The following ITGB5 variants were observed in gnomAD, a reference collection of about 807,000 sequenced individuals.
ITGB5 encodes the protein integrin subunit beta 5.
In ITGB5, 38 loss-of-function variants were observed where a neutral mutation model predicts 84.8. The ratio of observed to expected loss-of-function variants is 0.45; its 90% CI spans 0.35 to 0.59. ITGB5 has a LOEUF of 0.59. Ranked by LOEUF, ITGB5 falls within the 20% of genes least tolerant of loss-of-function variation. The pLI is 0.01. For synonymous variants in ITGB5, 393 were observed against 414.4 expected (o/e 0.95, Z 0.63); for missense variants, 905 against 1,034.5 (o/e 0.87, Z 1.72).
At chr3:124,870,211 T>C (rs1298265598) in intron 2 of ITGB5, among the ~76,000 whole-genome samples, 2 of 152,254 alleles carry the variant, frequency 1.3e-5, no homozygotes, top group African/African-American at 4.8e-5. Context: ...TAAGACAGTT[T>C]AGTTTCTCAA....
upstream of ITGB5, chr3:124,887,934 T>TTA (rs966788295): frequency 4.0e-6 from 1 of 250,894 alleles, no homozygotes; most frequent in African/African-American, 2.3e-5. Context: ...TTTTTTTTTT[T>TTA]TTGAGACAGC....
intron 9 of ITGB5, 45 bp from the exon 10 acceptor site, chr3:124,796,862 G>C (rs1421775340): frequency 9.1e-6 from 14 of 1,543,976 alleles, no homozygotes; most frequent in Non-Finnish European, 1.1e-5. Context: ...CGGCAAGCCA[G>C]GGTCTCCCAT....
At chr3:124,769,189 G>C (rs1049019046) in intron 11 of ITGB5, 76 bp from the exon 12 acceptor site, 14 of 1,147,894 alleles carry the variant, frequency 1.2e-5, no homozygotes, top group Admixed American at 3.7e-5. Context: ...GCTCCTGACA[G>C]TGCAGGACCT....
At chr3:124,771,340 G>GA (rs997281118) in intron 11 of ITGB5, among the ~76,000 whole-genome samples, 1 of 152,022 alleles carries the variant, frequency 6.6e-6, no homozygotes. Flanking sequence ...GCAGCAAGTA[G>GA]AAAAAACAGA....
chr3:124,899,036 T>C (rs1264013415), intron 1 of ITGB5, among the ~76,000 whole-genome samples: 1 of 151,170 alleles, frequency 6.6e-6, no homozygotes, highest in Non-Finnish European at 1.5e-5. Context: ...GATTGCGCCA[T>C]TGCATTCCAG....
At chr3:124,850,704 A>T (rs1579293858) in intron 3 of ITGB5, among the ~76,000 whole-genome samples, 2 of 96,624 alleles carry the variant, frequency 2.1e-5, no homozygotes, top group African/African-American at 3.7e-5. Context: ...ATAATAATTT[A>T]AAAAAACAAA....
intron 2 of ITGB5, among the ~76,000 whole-genome samples, 193 bp downstream of exon 2, chr3:124,873,253 G>T (rs563786962): frequency 1.2e-3 from 187 of 152,328 alleles, no homozygotes; most frequent in African/African-American, 4.1e-3. Context: ...ACAGTATCAA[G>T]AAACCCAGTT....
At chr3:124,834,528 G>A (rs2064902245) in intron 5 of ITGB5, among the ~76,000 whole-genome samples, 1 of 74,046 alleles carries the variant, frequency 1.4e-5, no homozygotes, top group South Asian at 7.3e-4. Flanking sequence ...GGAGGGAGGC[G>A]AGGAAGGGGA....
chr3:124,773,539 G>T (rs1475584858), intron 11 of ITGB5, 151 bp downstream of exon 11: 1 of 652,138 alleles, frequency 1.5e-6, no homozygotes, highest in Non-Finnish European at 2.7e-6. Flanking sequence ...TTCAGTTACG[G>T]TTGGTAAGAA....
In ITGB5 at chr3:124,763,709, G is replaced by T. The variant is rs1276413334; in HGVS notation, c.2314C>A (p.Pro772Thr). ...SRARYEMASN[P>T]LYRKPISTHT... is the part of the protein sequence containing the mutation. ...GTGGAGATAGGCTTTCTGTATAATG[G>T]ATTTGAAGCCTACAGAACACGGCGG... The change falls in exon 15 of 15, where the codon CCA becomes ACA. Residue 772 changes from proline (P) to threonine (T), a missense_variant. Pro to Thr is a conservative substitution (Grantham distance 38). Around this residue, in one of 3 missense-constraint regions of ITGB5, gnomAD observed 133 missense variants for 122.8 expected, o/e 1.08. Coordinates refer to ENST00000296181, the MANE Select transcript of ITGB5 (RefSeq NM_002213.5). 3.1e-6 allele frequency: 5 copies of T among 1,600,360 alleles called. No individual in the cohort carries two copies. Among genetic ancestry groups the T allele is most frequent in the Admixed American group, 3.3e-5 (2 of 59,970 alleles).
At chr3:124,829,088 C>G (rs1189642731) in intron 5 of ITGB5, among the ~76,000 whole-genome samples, 1 of 152,178 alleles carries the variant, frequency 6.6e-6, no homozygotes, top group Non-Finnish European at 1.5e-5. Flanking sequence ...AGTTGAAAAA[C>G]TGTCACTTAT....
At chr3:124,876,971 G>GT (rs147825400) in intron 1 of ITGB5, among the ~76,000 whole-genome samples, 22,942 of 150,332 alleles carry the variant, frequency 0.15, 1,947 homozygotes, top group South Asian at 0.21. Flanking sequence ...TTTCTTGTTT[G>GT]TTTTTTTTTC....
At position 124,762,979 on chromosome 3, in the gene ITGB5, A is replaced by ATCTT. The variant is rs2063714704; in HGVS notation, c.*640_*643dup. On this transcript the variant is annotated 3_prime_UTR_variant, in exon 15 of 15. Transcript: ENST00000296181. ...ACAAACACAAATTCTTTTGGTTTTA[A>ATCTT]TCTTTACTTCCAATCCCAAACAATC... 1 of 152,288 alleles carries ATCTT rather than the reference A, an allele frequency of 6.6e-6. No homozygotes were observed. Among genetic ancestry groups the ATCTT allele is most frequent in the Admixed American group, 6.5e-5 (1 of 15,292 alleles). The allele number at this position is 152,288 out of a possible 1,614,324, so 9.4% of individuals were successfully genotyped here. A position where few individuals can be genotyped will look rare whatever the true frequency, so the allele number is the denominator to read the frequency against.
intron 8 of ITGB5, 123 bp from the exon 9 acceptor site, chr3:124,809,279 A>C: frequency 9.8e-7 from 1 of 1,019,204 alleles, no homozygotes. Context: ...CCAAAGGAAG[A>C]GCCAGTGAGC....
At chr3:124,886,908 G>A in intron 1 of ITGB5, 23 bp downstream of exon 1, 1 of 1,208,200 alleles carries the variant, frequency 8.3e-7, no homozygotes, top group Admixed American at 4.4e-5. Flanking sequence ...GTTTCTCTGG[G>A]CGCCGTGGGC....
chr3:124,763,686 G>C lies in ITGB5; in HGVS notation c.2337C>G (p.Ser779=), dbSNP rs754981714. The C allele has an allele frequency of 8.1e-6, 13 of 1,609,842 alleles. No homozygotes were observed. In the Admixed American group the frequency reaches 2.0e-4, roughly 25 times the overall value. ...TGAAGGTGAAGTCCACAGTGTGCGTGGAGATAGGCTTTCTGTATAATGGAT... is the reference window on the plus strand; with the variant it reads ...TGAAGGTGAAGTCCACAGTGTGCGTCGAGATAGGCTTTCTGTATAATGGAT... ...ASNPLYRKPI[S]THTVDFTFNK... is the part of the protein sequence containing the mutation. The change falls in exon 15 of 15, where the codon TCC becomes TCG. Residue 779 remains serine (S), a synonymous_variant. Coordinates refer to ENST00000296181, the MANE Select transcript of ITGB5 (RefSeq NM_002213.5).
intron 4 of ITGB5, among the ~76,000 whole-genome samples, chr3:124,846,093 G>T (rs1335261971): frequency 1.3e-5 from 2 of 152,176 alleles, no homozygotes; most frequent in African/African-American, 4.8e-5. Context: ...TTTTCCACCA[G>T]TGTCAGTTCC....
chr3:124,890,640 T>C (rs565583959), upstream of ITGB5, among the ~76,000 whole-genome samples: 8 of 152,158 alleles, frequency 5.3e-5, no homozygotes, highest in Non-Finnish European at 1.2e-4. Context: ...GTCCGTCACT[T>C]ACCTAAACTG....
upstream of ITGB5, among the ~76,000 whole-genome samples, chr3:124,891,698 A>C (rs1432291664): frequency 6.6e-6 from 1 of 151,820 alleles, no homozygotes; most frequent in Non-Finnish European, 1.5e-5. Context: ...CCGAGGCAGG[A>C]GGATTGCTTG....
Sources: gnomAD v4.1 joint callset for allele counts (sites outside exome capture counted in the v4.1 genomes callset) on GRCh38, gnomAD v4.1.1 for gene constraint, gnomAD v4.1.1 regional missense constraint, MANE v1.5 for transcripts, NCBI Gene and HGNC (gene_info 2026-07-23, HGNC 2026-07-21) for gene names.